The following WDR27 variants were observed in gnomAD, a reference collection of about 807,000 sequenced individuals.
The protein encoded by WDR27 is WD repeat-containing protein 27.
Under a neutral mutation model 114.4 loss-of-function variants are expected in WDR27, and 100 were observed. The observed-to-expected ratio is 0.87, with a 90% CI of 0.74 to 1.03. The LOEUF is 1.03. Ranked by LOEUF, WDR27 falls within the 50% of genes least tolerant of loss-of-function variation. The pLI, the probability that WDR27 is intolerant of heterozygous loss-of-function variation, is 0.00. For missense variants in WDR27, 1,129 were observed against 1,092.9 expected, an observed-to-expected ratio of 1.03 and a Z score of -0.47; for synonymous variants, 449 against 423.1, an observed-to-expected ratio of 1.06 and a Z score of -0.75.
chr6:169,635,122 C>G (rs1284986579), intron 19 of WDR27, among the ~76,000 whole-genome samples: 1 of 152,040 alleles, frequency 6.6e-6, no homozygotes, highest in Non-Finnish European at 1.5e-5. Flanking sequence ...AATCCCAGCA[C>G]TTTGGGAGGC....
chr6:169,583,506 T>TCACAC, intron 23 of WDR27, among the ~76,000 whole-genome samples: 1 of 14,882 alleles, frequency 6.7e-5, no homozygotes, highest in East Asian at 9.5e-4. Flanking sequence ...TATATATATG[T>TCACAC]ATATATACAC....
chr6:169,591,024 G>A (rs1410391719), intron 23 of WDR27, among the ~76,000 whole-genome samples: 1 of 152,212 alleles, frequency 6.6e-6, no homozygotes, highest in Non-Finnish European at 1.5e-5. Context: ...GCTGGATCAT[G>A]TGGATTCTAC....
At chr6:169,625,689 C>G (rs1814631396) in intron 21 of WDR27, among the ~76,000 whole-genome samples, 1 of 152,208 alleles carries the variant, frequency 6.6e-6, no homozygotes, top group South Asian at 2.1e-4. Flanking sequence ...GGAGCCTTAG[C>G]TGCTCCATGG....
chr6:169,562,581 C>T (rs1316043460), intron 25 of WDR27, among the ~76,000 whole-genome samples: 1 of 152,022 alleles, frequency 6.6e-6, no homozygotes, highest in African/African-American at 2.4e-5. Context: ...GAGGTGACTC[C>T]AACTCTGCAG....
intron 25 of WDR27, among the ~76,000 whole-genome samples, chr6:169,538,741 CACTT>C (rs1463433757): frequency 1.3e-5 from 2 of 150,420 alleles, no homozygotes; most frequent in African/African-American, 2.4e-5. Context: ...CACACAAACA[CACTT>C]ATATATATAT....
At chr6:169,635,964 A>G (rs1450266929) in intron 19 of WDR27, among the ~76,000 whole-genome samples, 1 of 152,222 alleles carries the variant, frequency 6.6e-6, no homozygotes, top group Non-Finnish European at 1.5e-5. Flanking sequence ...AAACAAAGAT[A>G]GTGAAATGTT....
chr6:169,597,409 C>CAA (rs34598997), intron 23 of WDR27, among the ~76,000 whole-genome samples: 10 of 151,332 alleles, frequency 6.6e-5, no homozygotes, highest in African/African-American at 1.5e-4. Context: ...ATGTATATTA[C>CAA]AAAAAAAACT....
chr6:169,548,011 A>G (rs917247534), intron 25 of WDR27, among the ~76,000 whole-genome samples: 4 of 152,192 alleles, frequency 2.6e-5, no homozygotes, highest in African/African-American at 9.6e-5. Flanking sequence ...AGGTTAATAC[A>G]TAAAAGTTAA....
At chr6:169,642,303 C>T (rs1819398079) in intron 17 of WDR27, among the ~76,000 whole-genome samples, 1 of 130,138 alleles carries the variant, frequency 7.7e-6, no homozygotes, top group Non-Finnish European at 1.6e-5. Flanking sequence ...TGTGGCCCTT[C>T]CCCCCCGCCC....
chr6:169,680,774 G>A (rs370733700), intron 2 of WDR27, among the ~76,000 whole-genome samples: 2 of 152,088 alleles, frequency 1.3e-5, no homozygotes, highest in Non-Finnish European at 2.9e-5. Flanking sequence ...ATAGAAAGTA[G>A]CCAAAGAAGA....
At chr6:169,428,490 T>C in the WDR27 span, among the ~76,000 whole-genome samples, 1 of 152,006 alleles carries the variant, frequency 6.6e-6, no homozygotes, top group Non-Finnish European at 1.5e-5. Context: ...TCTGTGAACA[T>C]ATTAACGAAT....
intron 25 of WDR27, among the ~76,000 whole-genome samples, chr6:169,572,202 T>A (rs760189770): frequency 2.1e-4 from 32 of 152,108 alleles, no homozygotes; most frequent in Non-Finnish European, 2.1e-4. Flanking sequence ...ACATTGAGTC[T>A]GAAGTATAAA....
chr6:169,634,649 T>C, intron 19 of WDR27, 124 bp from the exon 20 acceptor site: 1 of 640,546 alleles, frequency 1.6e-6, no homozygotes, highest in Non-Finnish European at 2.6e-6. Context: ...TCATATTTTA[T>C]GATACTGAGG....
At chr6:169,480,231 C>T (rs959755468) in intron 25 of WDR27, among the ~76,000 whole-genome samples, 7 of 152,196 alleles carry the variant, frequency 4.6e-5, no homozygotes, top group South Asian at 4.1e-4. Flanking sequence ...CCAGCCTGCC[C>T]GTGCCATGCT....
intron 25 of WDR27, among the ~76,000 whole-genome samples, chr6:169,540,987 G>A: frequency 6.6e-6 from 1 of 152,268 alleles, no homozygotes; most frequent in South Asian, 2.1e-4. Flanking sequence ...CTGCATCACT[G>A]AAGAAATCTT....
the WDR27 span, chr6:169,426,508 C>G: frequency 6.6e-6 from 1 of 152,142 alleles, no homozygotes; most frequent in Non-Finnish European, 1.5e-5. Context: ...TTATGTCCAT[C>G]AGAGCTATAA....
downstream of WDR27, among the ~76,000 whole-genome samples, chr6:169,452,704 A>G (rs1388745271): frequency 6.6e-6 from 1 of 152,260 alleles, no homozygotes; most frequent in Admixed American, 6.5e-5. Flanking sequence ...ACCCAGGATC[A>G]GCACCACGTT....
chr6:169,602,923 C>A (rs1808313038), intron 22 of WDR27, among the ~76,000 whole-genome samples: 1 of 150,364 alleles, frequency 6.7e-6, no homozygotes, highest in African/African-American at 2.5e-5. Flanking sequence ...CTCACTGCAA[C>A]CTCTGCCTCC....
intron 25 of WDR27, among the ~76,000 whole-genome samples, chr6:169,521,889 A>C (rs772895679): frequency 6.6e-6 from 1 of 152,034 alleles, no homozygotes; most frequent in African/African-American, 2.4e-5. Flanking sequence ...AAAAAAGAAG[A>C]GAGGGGTTAC....
Sources: gnomAD v4.1 joint callset for allele counts (sites outside exome capture counted in the v4.1 genomes callset) on GRCh38, gnomAD v4.1.1 for gene constraint, MANE v1.5 for transcripts, NCBI Gene and HGNC (gene_info 2026-07-23, HGNC 2026-07-21) for gene names.